The following MLLT3 variants were observed in gnomAD, a reference collection of about 807,000 sequenced individuals.
The protein encoded by MLLT3 is protein AF-9.
Under a neutral mutation model 53.2 loss-of-function variants are expected in MLLT3, and 4 were observed. The ratio of observed to expected loss-of-function variants is 0.08; its 90% CI spans 0.04 to 0.17. MLLT3 has a LOEUF of 0.17. Among genes scored for constraint, MLLT3 ranks in the 10% least tolerant of loss-of-function variants. The probability of loss-of-function intolerance (pLI) is 1.00; values close to 1 mark genes in which losing one functional copy is unlikely to be tolerated. For synonymous variants in MLLT3, 283 were observed against 230.6 expected, an observed-to-expected ratio of 1.23 and a Z score of -2.06; for missense variants, 569 against 684.0, an observed-to-expected ratio of 0.83 and a Z score of 1.87.
At chr9:20,423,357 C>T (rs946991298) in intron 4 of MLLT3, among the ~76,000 whole-genome samples, 2 of 152,066 alleles carry the variant, frequency 1.3e-5, no homozygotes, top group Non-Finnish European at 2.9e-5. Context: ...AAAAATATGC[C>T]TGTTGTCTAG....
At chr9:20,415,692 T>C (rs1353957707) in intron 4 of MLLT3, among the ~76,000 whole-genome samples, 1 of 152,042 alleles carries the variant, frequency 6.6e-6, no homozygotes, top group African/African-American at 2.4e-5. Context: ...ATATCTAGCA[T>C]GACACAGGAC....
intron 2 of MLLT3, among the ~76,000 whole-genome samples, chr9:20,550,323 A>C (rs1818895447): frequency 1.3e-5 from 2 of 152,188 alleles, no homozygotes; most frequent in African/African-American, 4.8e-5. Context: ...TTCATCAGAG[A>C]TGTGTATTTC....
intron 2 of MLLT3, among the ~76,000 whole-genome samples, chr9:20,469,804 A>G (rs139226732): frequency 6.6e-6 from 1 of 152,168 alleles, no homozygotes; most frequent in East Asian, 1.9e-4. Context: ...ATAAATTATA[A>G]AACTGAATGA....
chr9:20,622,127 C>T lies in MLLT3; in HGVS notation c.12+118G>A, dbSNP rs555810827. 4.5e-3 allele frequency: 5,370 copies of T among 1,198,584 alleles called. 28 individuals are homozygous for T. Among genetic ancestry groups the T allele is most frequent in the Middle Eastern group, 7.2e-3 (35 of 4,872 alleles). 74.2% of individuals were successfully genotyped at this position (1,198,584 alleles called of 1,614,324 possible). A position where few individuals can be genotyped will look rare whatever the true frequency, so the allele number is the denominator to read the frequency against. The stretch of plus-strand genomic sequence containing the variant: ...GGAGAGGCGGCAGCTCCCTGCAAGC[C>T]GTACCAACCTTTCTCTAATTGGAAC... On this transcript the variant is annotated intron_variant, in intron 1 of 10. Coordinates refer to ENST00000380338, the MANE Select transcript of MLLT3 (RefSeq NM_004529.4).
At chr9:20,573,070 T>C (rs921450495) in intron 2 of MLLT3, among the ~76,000 whole-genome samples, 4 of 151,914 alleles carry the variant, frequency 2.6e-5, no homozygotes, top group Admixed American at 2.6e-4. Context: ...TACTTTCATA[T>C]CTCCCACCAA....
At chr9:20,542,348 T>A (rs1354725181) in intron 2 of MLLT3, among the ~76,000 whole-genome samples, 3 of 151,648 alleles carry the variant, frequency 2.0e-5, no homozygotes, top group Admixed American at 6.6e-5. Context: ...CTTCCCAGGT[T>A]CACGCCATTC....
At chr9:20,463,132 A>G (rs1824152351) in intron 2 of MLLT3, among the ~76,000 whole-genome samples, 1 of 152,136 alleles carries the variant, frequency 6.6e-6, no homozygotes, top group East Asian at 1.9e-4. Flanking sequence ...GTTACAGAGA[A>G]CCCCTAGATT....
At chr9:20,432,216 G>A (rs917535285) in intron 4 of MLLT3, among the ~76,000 whole-genome samples, 2 of 152,014 alleles carry the variant, frequency 1.3e-5, no homozygotes, top group African/African-American at 4.8e-5. Flanking sequence ...AGTCCTGTGC[G>A]GTAAGTACTT....
chr9:20,489,687 T>C (rs536558033), intron 2 of MLLT3, among the ~76,000 whole-genome samples: 1 of 152,310 alleles, frequency 6.6e-6, no homozygotes, highest in African/African-American at 2.4e-5. Context: ...AATTCCAACA[T>C]ATCCTGAAAA....
intron 2 of MLLT3, among the ~76,000 whole-genome samples, chr9:20,593,366 G>A (rs1182143030): frequency 6.6e-6 from 1 of 152,150 alleles, no homozygotes; most frequent in African/African-American, 2.4e-5. Context: ...ATATTTGAGG[G>A]CAGAAACCCG....
At chr9:20,422,214 A>G (rs1180186775) in intron 4 of MLLT3, among the ~76,000 whole-genome samples, 1 of 152,178 alleles carries the variant, frequency 6.6e-6, no homozygotes, top group East Asian at 1.9e-4. Context: ...ATATTTATAC[A>G]CACTCAAGAA....
At chr9:20,622,122 C>A (rs941523658) in intron 1 of MLLT3, 123 bp downstream of exon 1, 5 of 1,161,930 alleles carry the variant, frequency 4.3e-6, no homozygotes, top group South Asian at 3.0e-5. Flanking sequence ...CAGCTCCCTG[C>A]AAGCCGTACC....
intron 2 of MLLT3, among the ~76,000 whole-genome samples, chr9:20,457,057 G>T (rs1051186148): frequency 6.6e-6 from 1 of 152,010 alleles, no homozygotes; most frequent in Non-Finnish European, 1.5e-5. Context: ...ATTAATGAGT[G>T]AACTTCACTT....
rs138813163 is a variant in MLLT3 at position 20,579,717 on chromosome 9, C to A, written c.193+40937G>T. On this transcript the variant is annotated intron_variant, in intron 2 of 10. Coordinates refer to ENST00000380338, the MANE Select transcript of MLLT3 (RefSeq NM_004529.4). ...GGTAAAAGAGCTCTTTGCTCTAACC[C>A]CACCCTTTTTACTCACTACTAAGTC... Among the ~76,000 whole-genome samples, 939 of 152,186 alleles carry A rather than the reference C, an allele frequency of 6.2e-3. 16 individuals carry two copies. The highest frequency in any genetic ancestry group is 0.022 in the African/African-American group (911 of 41,512).
intron 2 of MLLT3, among the ~76,000 whole-genome samples, chr9:20,538,160 G>A (rs1011608370): frequency 1.3e-5 from 2 of 152,130 alleles, no homozygotes; most frequent in African/African-American, 2.4e-5. Flanking sequence ...TAAGAATTTA[G>A]CTACTATTCT....
intron 2 of MLLT3, among the ~76,000 whole-genome samples, chr9:20,567,485 C>A (rs1236257461): frequency 6.6e-6 from 1 of 152,098 alleles, no homozygotes; most frequent in Non-Finnish European, 1.5e-5. Flanking sequence ...ACAGGAAACT[C>A]TTCTATGTCA....
chr9:20,494,368 G>C (rs1364368184), intron 2 of MLLT3, among the ~76,000 whole-genome samples: 1 of 151,998 alleles, frequency 6.6e-6, no homozygotes, highest in Non-Finnish European at 1.5e-5. Flanking sequence ...CTTTAAAGAT[G>C]CTGATTTGCT....
chr9:20,438,515 C>T (rs1823463027), intron 4 of MLLT3, among the ~76,000 whole-genome samples: 1 of 152,168 alleles, frequency 6.6e-6, no homozygotes, highest in Non-Finnish European at 1.5e-5. Flanking sequence ...AATTCCTGGG[C>T]TCAAGCGATC....
At chr9:20,447,155 A>G (rs1823726115) in intron 4 of MLLT3, among the ~76,000 whole-genome samples, 1 of 152,130 alleles carries the variant, frequency 6.6e-6, no homozygotes, top group Non-Finnish European at 1.5e-5. Context: ...GTGGTTGTTC[A>G]TGTATCCAAT....
Sources: allele counts gnomAD v4.1 joint callset (sites outside exome capture counted in the v4.1 genomes callset), GRCh38; gene constraint gnomAD v4.1.1; transcripts MANE v1.5; gene names NCBI Gene and HGNC (gene_info 2026-07-23, HGNC 2026-07-21).